The following SYT1 variants were observed in gnomAD, a reference collection of about 807,000 sequenced individuals.
SYT1 encodes synaptotagmin 1.
In SYT1, 8 loss-of-function variants were observed where a neutral mutation model predicts 44.8. That is an observed-to-expected ratio of 0.18 (90% CI 0.10 to 0.32). The LOEUF (loss-of-function observed/expected upper bound fraction) is 0.32. Among genes scored for constraint, SYT1 ranks in the 10% least tolerant of loss-of-function variants. SYT1 has a pLI of 1.00. For missense variants in SYT1, 286 were observed against 509.3 expected (o/e 0.56, Z 4.22); for synonymous variants, 154 against 188.8 (o/e 0.82, Z 1.51).
chr12:79,199,694 A>G (rs762281699), intron 3 of SYT1, among the ~76,000 whole-genome samples: 17 of 152,176 alleles, frequency 1.1e-4, no homozygotes, highest in Non-Finnish European at 1.9e-4. Flanking sequence ...TTACTCCCTT[A>G]TAACAGAGTA....
At chr12:79,352,692 T>C (rs902843106) in intron 8 of SYT1, among the ~76,000 whole-genome samples, 8 of 152,082 alleles carry the variant, frequency 5.3e-5, no homozygotes, top group Admixed American at 6.6e-5. Flanking sequence ...TAGGAGTCTT[T>C]TCCGAAAAAA....
chr12:79,223,402 A>G (rs796403987), intron 4 of SYT1, among the ~76,000 whole-genome samples: 1 of 152,100 alleles, frequency 6.6e-6, no homozygotes, highest in East Asian at 1.9e-4. Flanking sequence ...GGCAGATGCA[A>G]ATGGAAAGAC....
chr12:78,868,459 T>A (rs1031389725), intron 1 of SYT1, among the ~76,000 whole-genome samples: 1 of 151,822 alleles, frequency 6.6e-6, no homozygotes, highest in African/African-American at 2.4e-5. Flanking sequence ...GTTCAATACA[T>A]GACGTGGCTG....
At chr12:79,272,298 A>G (rs1878470829) in intron 4 of SYT1, among the ~76,000 whole-genome samples, 1 of 152,214 alleles carries the variant, frequency 6.6e-6, no homozygotes, top group African/African-American at 2.4e-5. Flanking sequence ...GCACAAAATA[A>G]TTGATAATTA....
chr12:79,336,284 CAA>C (rs913642820), intron 8 of SYT1, among the ~76,000 whole-genome samples: 87 of 152,144 alleles, frequency 5.7e-4, no homozygotes, highest in Admixed American at 3.1e-3. Context: ...AGTAAGTCCA[CAA>C]AAAAAGTCTT....
chr12:78,941,399 A>G (rs1228492566), intron 1 of SYT1, among the ~76,000 whole-genome samples: 1 of 55,358 alleles, frequency 1.8e-5, no homozygotes, highest in Non-Finnish European at 6.7e-5. Flanking sequence ...GAATCTACAC[A>G]CACACACACA....
chr12:79,143,890 A>G (rs1024820482), intron 3 of SYT1, among the ~76,000 whole-genome samples: 1 of 152,200 alleles, frequency 6.6e-6, no homozygotes, highest in Non-Finnish European at 1.5e-5. Flanking sequence ...AGAAAGAAGT[A>G]TGAATTCAGG....
chr12:79,294,869 C>T (rs1474098088), intron 6 of SYT1, among the ~76,000 whole-genome samples: 2 of 148,508 alleles, frequency 1.3e-5, no homozygotes, highest in Admixed American at 6.7e-5. Flanking sequence ...CTCTTATTGC[C>T]ACTGTTGTAT....
chr12:79,123,339 G>GTA (rs1868314988), intron 3 of SYT1, among the ~76,000 whole-genome samples: 1 of 151,658 alleles, frequency 6.6e-6, no homozygotes, highest in South Asian at 2.1e-4. Flanking sequence ...GTGTGTGTGT[G>GTA]TGTGTGTGTG....
chr12:79,305,986 T>C (rs1172547274), intron 8 of SYT1, among the ~76,000 whole-genome samples: 2 of 152,192 alleles, frequency 1.3e-5, no homozygotes, highest in Non-Finnish European at 2.9e-5. Flanking sequence ...TGTGAGCCAC[T>C]GCACCTGGCC....
intron 3 of SYT1, among the ~76,000 whole-genome samples, chr12:79,053,908 T>C (rs1307723973): frequency 6.6e-6 from 1 of 152,072 alleles, no homozygotes; most frequent in African/African-American, 2.4e-5. Flanking sequence ...GAATTTATAA[T>C]TTATCTTTAA....
chr12:79,215,670 T>G (rs1008634335), intron 3 of SYT1, among the ~76,000 whole-genome samples: 1 of 151,852 alleles, frequency 6.6e-6, no homozygotes, highest in Non-Finnish European at 1.5e-5. Context: ...CTCTCCAGCC[T>G]AACAACAGAG....
chr12:79,339,851 G>A (rs143062141), intron 8 of SYT1, among the ~76,000 whole-genome samples: 1,655 of 152,282 alleles, frequency 0.011, 28 homozygotes, highest in African/African-American at 0.036. Flanking sequence ...TTTGTATAAG[G>A]TGTAAGGAAG....
At chr12:79,058,440 C>A (rs1875127639) in intron 3 of SYT1, among the ~76,000 whole-genome samples, 1 of 152,060 alleles carries the variant, frequency 6.6e-6, no homozygotes, top group Non-Finnish European at 1.5e-5. Flanking sequence ...CTCTTTGTCA[C>A]CTTTGTTTTC....
At chr12:79,370,961 A>G (rs1267226895) in intron 9 of SYT1, among the ~76,000 whole-genome samples, 2 of 152,076 alleles carry the variant, frequency 1.3e-5, no homozygotes, top group Non-Finnish European at 2.9e-5. Flanking sequence ...TCTATTAAAG[A>G]CAAATGTATC....
At chr12:79,376,876 C>T (rs531910268) in intron 9 of SYT1, among the ~76,000 whole-genome samples, 3 of 152,148 alleles carry the variant, frequency 2.0e-5, no homozygotes, top group South Asian at 4.2e-4. Flanking sequence ...TTTCACTGCC[C>T]GATATCACAT....
chr12:79,449,091 G>A lies in SYT1; in HGVS notation c.1236G>A (p.Glu412=), dbSNP rs1565962897. Residue 412 remains glutamate, a synonymous_variant, in exon 11 of 11, where the codon GAG becomes GAA. Coordinates refer to ENST00000261205, the MANE Select transcript of SYT1 (RefSeq NM_005639.3). ...IAQWHTLQVE[E]EVDAMLAVKK ...AGTGGCACACCCTGCAGGTAGAGGA[G>A]GAAGTTGATGCCATGCTGGCCGTCA... The A allele has an allele frequency of 4.3e-6, 7 of 1,613,650 alleles. No individual in the cohort carries two copies. In the African/African-American group the frequency reaches 5.3e-5, roughly 12 times the overall value.
intron 1 of SYT1, among the ~76,000 whole-genome samples, chr12:78,935,321 T>C (rs991507033): frequency 3.3e-5 from 5 of 152,230 alleles, no homozygotes; most frequent in African/African-American, 7.2e-5. Flanking sequence ...CAATTAATCA[T>C]TTATTCAATT....
intron 9 of SYT1, among the ~76,000 whole-genome samples, chr12:79,439,304 C>CTGT (rs939306157): frequency 6.6e-6 from 1 of 152,186 alleles, no homozygotes; most frequent in Non-Finnish European, 1.5e-5. Flanking sequence ...CAGGAGCAAA[C>CTGT]TGTACAGGAT....
Sources: allele counts gnomAD v4.1 joint callset (sites outside exome capture counted in the v4.1 genomes callset), GRCh38; gene constraint gnomAD v4.1.1; transcripts MANE v1.5; gene names NCBI Gene and HGNC (gene_info 2026-07-23, HGNC 2026-07-21).